TANC2: variants seen among roughly 807,000 people sequenced by gnomAD.
The protein encoded by TANC2 is tetratricopeptide repeat, ankyrin repeat and coiled-coil containing 2.
Under a neutral mutation model 210.5 loss-of-function variants are expected in TANC2, and 26 were observed. The ratio of observed to expected loss-of-function variants is 0.12; its 90% CI spans 0.09 to 0.17. The LOEUF is 0.17. Ranked by LOEUF, TANC2 falls within the 10% of genes least tolerant of loss-of-function variation. TANC2 has a pLI of 1.00. For synonymous variants in TANC2, 931 were observed against 967.1 expected, an observed-to-expected ratio of 0.96 and a Z score of 0.69; for missense variants, 2,129 against 2,608.9, an observed-to-expected ratio of 0.82 and a Z score of 4.01.
chr17:63,063,805 GAATTTTGGAAGATCCAAA>G (rs1217381620), intron 2 of TANC2, among the ~76,000 whole-genome samples: 1 of 151,828 alleles, frequency 6.6e-6, no homozygotes, highest in Non-Finnish European at 1.5e-5. Flanking sequence ...ACTTACGTTG[GAATTTTGGAAGATCCAAA>G]AACTGTTCCA....
At chr17:63,004,070 AT>A (rs1270224953) in intron 1 of TANC2, among the ~76,000 whole-genome samples, 1 of 152,220 alleles carries the variant, frequency 6.6e-6, no homozygotes, top group Non-Finnish European at 1.5e-5. Context: ...TGAAGTCTTC[AT>A]TTGATGCTCA....
intron 7 of TANC2, among the ~76,000 whole-genome samples, chr17:63,208,889 GT>G (rs142470948): frequency 1.1e-4 from 16 of 152,072 alleles, no homozygotes; most frequent in African/African-American, 1.7e-4. Flanking sequence ...ATAATTTATA[GT>G]TTTTTTGTGG....
intron 7 of TANC2, among the ~76,000 whole-genome samples, chr17:63,208,303 A>G (rs1202400703): frequency 6.6e-6 from 1 of 152,326 alleles, no homozygotes; most frequent in East Asian, 1.9e-4. Context: ...ATTGCTGCCA[A>G]AAGCATAAAT....
At chr17:63,030,052 T>G (rs1038521244) in intron 2 of TANC2, among the ~76,000 whole-genome samples, 1 of 152,152 alleles carries the variant, frequency 6.6e-6, no homozygotes, top group African/African-American at 2.4e-5. Context: ...CATTATATCC[T>G]TAAAGCTGCA....
intron 9 of TANC2, among the ~76,000 whole-genome samples, chr17:63,307,600 C>G (rs2044964536): frequency 6.6e-6 from 1 of 152,158 alleles, no homozygotes; most frequent in South Asian, 2.1e-4. Flanking sequence ...TCAAGAGTTT[C>G]AGGGCTTGTA....
In TANC2 at chr17:62,988,295, CT is replaced by C. The variant is rs59386058; in HGVS notation, c.-23-21220del. On this transcript the variant is annotated intron_variant, in intron 1 of 27. Transcript: ENST00000689528. ...GGCGTGCACCACCACACCTGGCTAA[CT>C]TTTTTTTTTTTTTTTTTTTTTAGTA... Among the ~76,000 whole-genome samples, 194 of 111,734 alleles carry C rather than the reference CT, an allele frequency of 1.7e-3. 1 individual carries two copies. The highest frequency in any genetic ancestry group is 5.1e-3 in the African/African-American group (139 of 27,072). The allele number at this position is 111,734 out of a possible 152,430, so 73.3% of individuals were successfully genotyped here.
chr17:63,347,228 T>C (rs1007742593), intron 12 of TANC2, among the ~76,000 whole-genome samples: 2 of 152,150 alleles, frequency 1.3e-5, no homozygotes, highest in African/African-American at 4.8e-5. Flanking sequence ...CTTCTTAGTA[T>C]TAAAAAGGAA....
At chr17:62,968,615 A>G (rs370292518) in intron 1 of TANC2, 1 of 152,122 alleles carries the variant, frequency 6.6e-6, no homozygotes, top group East Asian at 1.9e-4. Flanking sequence ...GCCACCCCCT[A>G]CTGTCTGTAG....
At chr17:63,392,862 G>A (rs1198518980) in intron 17 of TANC2, among the ~76,000 whole-genome samples, 2 of 151,206 alleles carry the variant, frequency 1.3e-5, no homozygotes, top group Non-Finnish European at 3.0e-5. Context: ...TCTCTTGTAG[G>A]CAAAAAAAAA....
At chr17:63,290,936 A>T (rs2044364610) in intron 9 of TANC2, among the ~76,000 whole-genome samples, 1 of 152,210 alleles carries the variant, frequency 6.6e-6, no homozygotes, top group South Asian at 2.1e-4. Flanking sequence ...AACATGTAAC[A>T]TTAGCAAGAC....
Position 62,966,653 on chromosome 17 carries a change from G to A in TANC2, c.-120G>A, listed in dbSNP as rs772479611. Among the ~76,000 whole-genome samples, 144 of 152,058 alleles carry A rather than the reference G, an allele frequency of 9.5e-4. No homozygotes were observed. Among genetic ancestry groups the A allele is most frequent in the Admixed American group, 1.6e-3 (25 of 15,298 alleles). Reference sequence around the variant, plus strand: ...GTTGGAGGACTGCGAGGTGCTCCGGGAATCGCGGGCGGCGCCGGCGGGCGG... The same window carrying A: ...GTTGGAGGACTGCGAGGTGCTCCGGAAATCGCGGGCGGCGCCGGCGGGCGG... On this transcript the variant is annotated 5_prime_UTR_variant, in exon 1 of 28. Coordinates refer to ENST00000689528, the Ensembl canonical transcript of TANC2. This position sits in a 1 kb window ranked among gnomAD's most constrained non-coding sequence, Gnocchi z 5.1.
intron 20 of TANC2, 25 bp downstream of exon 20, chr17:63,405,280 C>A: frequency 1.3e-6 from 2 of 1,534,524 alleles, no homozygotes; most frequent in East Asian, 2.4e-5. Flanking sequence ...CACTTCCAGT[C>A]CCTCAGGCAG....
chr17:63,159,216 T>C (rs1056139127), intron 5 of TANC2, among the ~76,000 whole-genome samples: 11 of 152,136 alleles, frequency 7.2e-5, no homozygotes, highest in African/African-American at 2.4e-4. Context: ...CAAAAGGTCA[T>C]GATTACAGAA....
At chr17:63,332,517 G>T (rs1333715265) in intron 11 of TANC2, 2 of 391,746 alleles carry the variant, frequency 5.1e-6, no homozygotes, top group African/African-American at 2.1e-5. Context: ...AGCCCCACTG[G>T]ATTTAGAAAT....
chr17:63,243,049 G>C (rs1489605003), intron 8 of TANC2, among the ~76,000 whole-genome samples: 1 of 152,144 alleles, frequency 6.6e-6, no homozygotes, highest in Non-Finnish European at 1.5e-5. Flanking sequence ...TACTGCTATT[G>C]CTCTGAGTAA....
intron 5 of TANC2, chr17:63,153,129 T>G (rs1038193554): frequency 6.6e-6 from 1 of 152,164 alleles, no homozygotes; most frequent in Admixed American, 6.5e-5. Flanking sequence ...AACCTGAGGG[T>G]TGAAGCTATT....
chr17:63,239,523 A>G (rs1394512651), intron 8 of TANC2, among the ~76,000 whole-genome samples: 1 of 152,160 alleles, frequency 6.6e-6, no homozygotes, highest in Non-Finnish European at 1.5e-5. Flanking sequence ...GACCATCAGC[A>G]TCTGTCATCA....
intron 11 of TANC2, among the ~76,000 whole-genome samples, chr17:63,335,033 A>C (rs898561782): frequency 2.6e-5 from 4 of 152,116 alleles, no homozygotes; most frequent in Non-Finnish European, 4.4e-5. Context: ...GGACAGCACC[A>C]AGCCTTGAGG....
intron 1 of TANC2, among the ~76,000 whole-genome samples, chr17:62,979,335 A>C (rs2032185188): frequency 6.6e-6 from 1 of 152,060 alleles, no homozygotes; most frequent in Non-Finnish European, 1.5e-5. Context: ...TATTCTTTAA[A>C]GTAAAGATCT....
Sources: gnomAD v4.1 joint callset for allele counts (sites outside exome capture counted in the v4.1 genomes callset) on GRCh38, gnomAD v4.1.1 for gene constraint, Gnocchi (gnomAD v3.1) non-coding constraint, MANE v1.5 for transcripts, NCBI Gene and HGNC (gene_info 2026-07-23, HGNC 2026-07-21) for gene names.